The following ADGRB3 variants were observed in gnomAD, a reference collection of about 807,000 sequenced individuals.
ADGRB3 encodes adhesion G protein-coupled receptor B3, also known as brain-specific angiogenesis inhibitor 3.
Under a neutral mutation model 193.4 loss-of-function variants are expected in ADGRB3, and 37 were observed. That is an observed-to-expected ratio of 0.19 (90% CI 0.15 to 0.25). ADGRB3 has a LOEUF of 0.25. ADGRB3 is among the 10% of genes least tolerant of loss of function. The pLI is 1.00. For missense variants in ADGRB3, 1,637 were observed against 1,852.9 expected (o/e 0.88, Z 2.14); for synonymous variants, 690 against 644.2 (o/e 1.07, Z -1.08).
At chr6:68,842,213 A>G (rs1213188670) in intron 3 of ADGRB3, among the ~76,000 whole-genome samples, 1 of 151,960 alleles carries the variant, frequency 6.6e-6, no homozygotes, top group Non-Finnish European at 1.5e-5. Context: ...GAAGAAAATA[A>G]TACAAAAATC....
intron 13 of ADGRB3, among the ~76,000 whole-genome samples, chr6:69,030,859 C>CTTCTCT (rs200687599): frequency 1.3e-5 from 2 of 151,780 alleles, no homozygotes; most frequent in African/African-American, 4.9e-5. Context: ...CTTCTCTTCT[C>CTTCTCT]TCTCTGTCTC....
chr6:68,836,601 T>C (rs1170925279), intron 3 of ADGRB3, among the ~76,000 whole-genome samples: 1 of 152,166 alleles, frequency 6.6e-6, no homozygotes. Context: ...TATGGATAGA[T>C]GTTTAATCTG....
At chr6:69,251,275 A>G (rs1766611955) in intron 20 of ADGRB3, among the ~76,000 whole-genome samples, 1 of 152,202 alleles carries the variant, frequency 6.6e-6, no homozygotes, top group African/African-American at 2.4e-5. Context: ...TCTGCAGATA[A>G]AATACAATCG....
intron 17 of ADGRB3, among the ~76,000 whole-genome samples, chr6:69,175,750 T>C (rs890417021): frequency 2.6e-5 from 4 of 152,220 alleles, no homozygotes; most frequent in African/African-American, 4.8e-5. Context: ...TATAGTGATA[T>C]TGACTGCCAA....
chr6:68,909,705 G>T (rs572346419), intron 3 of ADGRB3, among the ~76,000 whole-genome samples: 62 of 152,122 alleles, frequency 4.1e-4, no homozygotes, highest in Non-Finnish European at 4.0e-4. Context: ...GGACTTAAAT[G>T]GTTCCTATCA....
chr6:68,772,855 AAAC>A, intron 3 of ADGRB3, among the ~76,000 whole-genome samples: 1 of 17,378 alleles, frequency 5.8e-5, no homozygotes, highest in Non-Finnish European at 1.1e-4. Context: ...CTATTTCTAA[AAAC>A]AAACAAACAA....
intron 16 of ADGRB3, among the ~76,000 whole-genome samples, chr6:69,064,237 T>C (rs1771832970): frequency 6.6e-6 from 1 of 151,990 alleles, no homozygotes; most frequent in South Asian, 2.1e-4. Context: ...CAAATCTCTC[T>C]GCAATAACTT....
At position 69,325,030 on chromosome 6, in the gene ADGRB3, T is replaced by A. The variant is rs1582632914; in HGVS notation, c.2965+8T>A. The stretch of plus-strand genomic sequence containing the variant: ...TTTTGTGCCTTGGATGGGGTAAGCA[T>A]ATTGATATACCGTTTCATGCTCTTC... On this transcript the variant is annotated splice_region_variant and intron_variant, in intron 21 of 31. Coordinates refer to ENST00000370598, the MANE Select transcript of ADGRB3 (RefSeq NM_001704.3). The A allele has an allele frequency of 6.2e-7, 1 of 1,611,956 alleles. No homozygotes were observed. The highest frequency in any genetic ancestry group is 1.3e-5 in the African/African-American group (1 of 74,918).
intron 3 of ADGRB3, among the ~76,000 whole-genome samples, chr6:68,824,490 A>T (rs919027688): frequency 2.1e-4 from 32 of 148,958 alleles, no homozygotes; most frequent in Non-Finnish European, 3.3e-4. Flanking sequence ...GGTACAATTC[A>T]TCGGATATTT....
intron 10 of ADGRB3, among the ~76,000 whole-genome samples, chr6:68,979,960 AC>A (rs1768860593): frequency 1.3e-5 from 2 of 151,374 alleles, no homozygotes; most frequent in Non-Finnish European, 3.0e-5. Flanking sequence ...CTGTAGGTAG[AC>A]AAATCTAAAG....
chr6:68,801,973 A>C (rs561880937), intron 3 of ADGRB3, among the ~76,000 whole-genome samples: 5 of 152,242 alleles, frequency 3.3e-5, no homozygotes. Flanking sequence ...ATTGAAGCTG[A>C]CCCCAAAAAA....
In ADGRB3 at chr6:69,344,664, CTT is replaced by C. The variant is rs1462923270; in HGVS notation, c.3459+5161_3459+5162del. 2.0e-5 allele frequency among the ~76,000 whole-genome samples: 3 copies of C among 152,248 alleles called. No homozygotes were observed. In the East Asian group the frequency reaches 5.8e-4, roughly 29 times the overall value. ...TTACATGAACATCCAGGTTTGACTA[CTT>C]ACAGGGAAATTGAGTATGACTCATT... On this transcript the variant is annotated intron_variant, in intron 26 of 31. Transcript: ENST00000370598.
At chr6:69,040,374 T>TTTCC (rs1554251331) in intron 13 of ADGRB3, among the ~76,000 whole-genome samples, 8 of 51,432 alleles carry the variant, frequency 1.6e-4, no homozygotes, top group African/African-American at 4.0e-4. Flanking sequence ...TCTTTCTTTC[T>TTTCC]TTCCTTCTCT....
At chr6:68,908,901 T>A (rs1460628134) in intron 3 of ADGRB3, among the ~76,000 whole-genome samples, 1 of 152,146 alleles carries the variant, frequency 6.6e-6, no homozygotes, top group Non-Finnish European at 1.5e-5. Context: ...GCAAGCCTTG[T>A]GGTTAAATGG....
chr6:68,803,750 G>C (rs1043633503), intron 3 of ADGRB3, among the ~76,000 whole-genome samples: 3 of 152,186 alleles, frequency 2.0e-5, no homozygotes, highest in Admixed American at 1.3e-4. Flanking sequence ...CAAATCTGTG[G>C]GTTCGTCAGT....
At chr6:69,114,065 C>T (rs1047405195) in intron 17 of ADGRB3, among the ~76,000 whole-genome samples, 1 of 152,044 alleles carries the variant, frequency 6.6e-6, no homozygotes, top group Admixed American at 6.6e-5. Context: ...ATCGAGTATC[C>T]CAATAACATC....
At chr6:68,706,803 G>A (rs984794846) in intron 3 of ADGRB3, among the ~76,000 whole-genome samples, 3 of 152,058 alleles carry the variant, frequency 2.0e-5, no homozygotes, top group African/African-American at 7.2e-5. Context: ...ATAGCTAGTC[G>A]TTTATAATTA....
intron 17 of ADGRB3, among the ~76,000 whole-genome samples, chr6:69,083,299 T>G (rs899789165): frequency 6.6e-6 from 1 of 152,190 alleles, no homozygotes; most frequent in Non-Finnish European, 1.5e-5. Flanking sequence ...TAGACTAAAG[T>G]ATTTGAGGAC....
chr6:69,015,018 A>G (rs1295103844), intron 12 of ADGRB3, among the ~76,000 whole-genome samples: 1 of 150,710 alleles, frequency 6.6e-6, no homozygotes, highest in African/African-American at 2.4e-5. Context: ...ACATAGCCAG[A>G]AAAAAAAACC....
Sources: allele counts gnomAD v4.1 joint callset (sites outside exome capture counted in the v4.1 genomes callset), GRCh38; gene constraint gnomAD v4.1.1; transcripts MANE v1.5; gene names NCBI Gene and HGNC (gene_info 2026-07-23, HGNC 2026-07-21).